Variants in IPO9 observed in about 807,000 individuals in gnomAD.
IPO9 encodes importin 9.
In IPO9, 28 loss-of-function variants were observed where a neutral mutation model predicts 128.6. The observed-to-expected ratio is 0.22, with a 90% CI of 0.16 to 0.30. The LOEUF is 0.30. IPO9 is among the 10% of genes least tolerant of loss of function. IPO9 has a pLI of 1.00. For synonymous variants in IPO9, 455 were observed against 475.8 expected (o/e 0.96, Z 0.57); for missense variants, 935 against 1,293.9 (o/e 0.72, Z 4.26).
intron 1 of IPO9, among the ~76,000 whole-genome samples, chr1:201,845,642 A>G (rs185062963): frequency 6.6e-6 from 1 of 152,142 alleles, no homozygotes. Flanking sequence ...TTTTAACTCT[A>G]TATTCATTTA....
At position 201,863,238 on chromosome 1, in the gene IPO9, A is replaced by G. The variant is rs1426979223; in HGVS notation, c.1469-210A>G. On this transcript the variant is annotated intron_variant, in intron 13 of 23. Coordinates refer to ENST00000361565, the MANE Select transcript of IPO9 (RefSeq NM_018085.5). ...ATGGTGGCAGGCGCCTGTGATCCCA[A>G]CTACTCAGGAGGCTGAGGCAGGACA... 8 of 309,386 alleles carry G rather than the reference A, an allele frequency of 2.6e-5. No individual in the cohort carries two copies. In the East Asian group the frequency reaches 3.9e-4, roughly 15 times the overall value. The allele number at this position is 309,386 out of a possible 1,614,324, so 19.2% of individuals were successfully genotyped here. A position where few individuals can be genotyped will look rare whatever the true frequency, so the allele number is the denominator to read the frequency against.
intron 9 of IPO9, 124 bp downstream of exon 9, chr1:201,855,306 T>G (rs1680310919): frequency 1.6e-6 from 1 of 617,020 alleles, no homozygotes; most frequent in Admixed American, 2.8e-5. Flanking sequence ...CTAATTCAGT[T>G]TATTTTCGAT....
At chr1:201,854,024 C>T (rs536035492) in intron 6 of IPO9, among the ~76,000 whole-genome samples, 80 of 152,306 alleles carry the variant, frequency 5.3e-4, no homozygotes, top group Non-Finnish European at 9.3e-4. Context: ...GCATGAGCCA[C>T]CATGCCCAGC....
intron 1 of IPO9, among the ~76,000 whole-genome samples, chr1:201,836,759 C>G (rs1304983993): frequency 6.6e-6 from 1 of 152,018 alleles, no homozygotes; most frequent in Non-Finnish European, 1.5e-5. Flanking sequence ...CTCTTTCATC[C>G]CCCTATAACC....
rs1381472779 is a variant in IPO9, at chr1:201,883,996, G to A, written c.*7942G>A. 4 of 152,240 alleles carry A rather than the reference G, an allele frequency of 2.6e-5. No homozygotes were observed. Among genetic ancestry groups the A allele is most frequent in the Non-Finnish European group, 4.4e-5 (3 of 68,048 alleles). 9.4% of individuals were successfully genotyped at this position (152,240 alleles called of 1,614,324 possible). A position where few individuals can be genotyped will look rare whatever the true frequency, so the allele number is the denominator to read the frequency against. ...CTTGGGGATTCTAGTGGGTTGAACC[G>A]AACGGTAGTCCGTTTCCAAAAGAGG... On this transcript the variant is annotated 3_prime_UTR_variant, in exon 24 of 24. Coordinates refer to ENST00000361565, the MANE Select transcript of IPO9 (RefSeq NM_018085.5).
At chr1:201,868,851 C>T (rs1680601402) in intron 16 of IPO9, 55 bp downstream of exon 16, 1 of 1,520,450 alleles carries the variant, frequency 6.6e-7, no homozygotes, top group Non-Finnish European at 8.9e-7. Context: ...CAAGTGCCAC[C>T]CACAGATGCA....
chr1:201,881,527 C>T lies in IPO9; in HGVS notation c.*5473C>T, dbSNP rs1558228682. ...ATTTCATTTTCAGACCTTATAAGCA[C>T]GTTACAAGTACTGATATTTATGCTT... On this transcript the variant is annotated 3_prime_UTR_variant, in exon 24 of 24. Coordinates refer to ENST00000361565, the MANE Select transcript of IPO9 (RefSeq NM_018085.5). 2 of 152,146 alleles carry T rather than the reference C, an allele frequency of 1.3e-5. No individual in the cohort carries two copies. The highest frequency in any genetic ancestry group is 6.5e-5 in the Admixed American group (1 of 15,280). 9.4% of individuals were successfully genotyped at this position (152,146 alleles called of 1,614,324 possible). A position where few individuals can be genotyped will look rare whatever the true frequency, so the allele number is the denominator to read the frequency against.
In IPO9 at chr1:201,877,444, A is replaced by G. The variant is rs972320261; in HGVS notation, c.*1390A>G. The G allele has an allele frequency of 4.6e-5, 7 of 152,126 alleles. No homozygotes were observed. Among genetic ancestry groups the G allele is most frequent in the South Asian group, 2.1e-4 (1 of 4,826 alleles). 9.4% of individuals were successfully genotyped at this position (152,126 alleles called of 1,614,324 possible). A position where few individuals can be genotyped will look rare whatever the true frequency, so the allele number is the denominator to read the frequency against. ...CTTGAACTTGGGAAGCAGAGGTTGC[A>G]GTGAACCGATATCACACCGTTGCAT... is the stretch of plus-strand genomic sequence containing the variant. On this transcript the variant is annotated 3_prime_UTR_variant, in exon 24 of 24. Coordinates refer to ENST00000361565, the MANE Select transcript of IPO9 (RefSeq NM_018085.5).
intron 20 of IPO9, 34 bp downstream of exon 20, chr1:201,872,995 C>T (rs1558225509): frequency 1.3e-6 from 2 of 1,593,320 alleles, no homozygotes; most frequent in Non-Finnish European, 1.7e-6. Context: ...AATCCTCTCC[C>T]TATACGAAGG....
At chr1:201,845,204 C>T (rs571262761) in intron 1 of IPO9, among the ~76,000 whole-genome samples, 3 of 152,210 alleles carry the variant, frequency 2.0e-5, no homozygotes, top group East Asian at 1.9e-4. Context: ...TTAGTAGAGA[C>T]GGGATTTCTC....
At chr1:201,838,991 C>G (rs867809534) in intron 1 of IPO9, among the ~76,000 whole-genome samples, 8 of 150,242 alleles carry the variant, frequency 5.3e-5, no homozygotes, top group African/African-American at 2.0e-4. Flanking sequence ...ATGATCTTGG[C>G]TCACTGCAAC....
rs1469900231 is a variant in IPO9, at chr1:201,876,193, G to A, written c.*139G>A. Reference sequence around the variant, plus strand: ...GGCCCTTGGCCTCGGCAGTGACACTGATGACAATTCAGACCAGGCTCACCG... The same window carrying A: ...GGCCCTTGGCCTCGGCAGTGACACTAATGACAATTCAGACCAGGCTCACCG... On this transcript the variant is annotated 3_prime_UTR_variant, in exon 24 of 24. Coordinates refer to ENST00000361565, the MANE Select transcript of IPO9 (RefSeq NM_018085.5). 7.9e-6 allele frequency: 6 copies of A among 758,828 alleles called. No homozygotes were observed. The African/African-American group carries it at 1.0e-4, about 13-fold the overall frequency. 47.0% of individuals were successfully genotyped at this position (758,828 alleles called of 1,614,324 possible).
rs1427280276 is a variant in IPO9, at chr1:201,877,955, G to T, written c.*1901G>T. On this transcript the variant is annotated 3_prime_UTR_variant, in exon 24 of 24. Transcript: ENST00000361565. The stretch of plus-strand genomic sequence containing the variant: ...AAAAAAAAAAGAGAAAGAATATAAA[G>T]TGAATCTGAATCTCCACTCAAGGGG... 2 of 152,110 alleles carry T rather than the reference G, an allele frequency of 1.3e-5. No individual in the cohort carries two copies. The highest frequency in any genetic ancestry group is 3.8e-4 in the East Asian group (2 of 5,198). The allele number at this position is 152,110 out of a possible 1,614,324, so 9.4% of individuals were successfully genotyped here. A position where few individuals can be genotyped will look rare whatever the true frequency, so the allele number is the denominator to read the frequency against.
At chr1:201,873,241 TTGAGA>T (rs1680694190) in intron 20 of IPO9, among the ~76,000 whole-genome samples, 1 of 151,530 alleles carries the variant, frequency 6.6e-6, no homozygotes, top group South Asian at 2.1e-4. Context: ...AGTCAGGAGT[TTGAGA>T]CTAGCCTGAC....
At chr1:201,855,663 A>T (rs1680316722) in intron 9 of IPO9, 120 bp from the exon 10 acceptor site, 16 of 875,820 alleles carry the variant, frequency 1.8e-5, no homozygotes, top group Non-Finnish European at 2.3e-5. Context: ...CTCAGGAATG[A>T]TCATTAGCAA....
At position 201,881,461 on chromosome 1, in the gene IPO9, G is replaced by C. The variant is rs552142624; in HGVS notation, c.*5407G>C. The C allele has an allele frequency of 1.3e-5, 2 of 152,288 alleles. No homozygotes were observed. The highest frequency in any genetic ancestry group is 4.1e-4 in the South Asian group (2 of 4,824). The allele number at this position is 152,288 out of a possible 1,614,324, so 9.4% of individuals were successfully genotyped here. On this transcript the variant is annotated 3_prime_UTR_variant, in exon 24 of 24. Transcript: ENST00000361565. ...TGCCAGGCAGATGAGAGTGGGGTAA[G>C]ACATTGCAGAGAAAAAGTAAGAAAA...
At chr1:201,872,793 G>T (rs200486169) in intron 19 of IPO9, 35 bp from the exon 20 acceptor site, 9 of 1,588,970 alleles carry the variant, frequency 5.7e-6, no homozygotes, top group Non-Finnish European at 7.7e-6. Context: ...CGAGATGGGC[G>T]GCTGATTGAC....
Position 201,873,483 on chromosome 1 carries a change from C to G in IPO9, c.2710+522C>G, listed in dbSNP as rs553600589. On this transcript the variant is annotated intron_variant, in intron 20 of 23. Transcript: ENST00000361565. ...AAAAAAAAATGCAGGCGTGGTGGCT[C>G]ACACCTGTAATCCCAGCACTTTGGG... Among the ~76,000 whole-genome samples, 249 of 149,444 alleles carry G rather than the reference C, an allele frequency of 1.7e-3. 1 individual carries two copies. Among genetic ancestry groups the G allele is most frequent in the Non-Finnish European group, 3.3e-3 (221 of 67,628 alleles).
At chr1:201,839,457 A>T (rs1679997227) in intron 1 of IPO9, among the ~76,000 whole-genome samples, 1 of 147,388 alleles carries the variant, frequency 6.8e-6, no homozygotes. Flanking sequence ...ACTACTCGGG[A>T]GGCTGAGGCA....
Sources: gnomAD v4.1 joint callset for allele counts (sites outside exome capture counted in the v4.1 genomes callset) on GRCh38, gnomAD v4.1.1 for gene constraint, MANE v1.5 for transcripts, NCBI Gene and HGNC (gene_info 2026-07-23, HGNC 2026-07-21) for gene names.